Variants in EBF1 observed in about 807,000 individuals in gnomAD.
EBF1 encodes transcription factor COE1.
A neutral mutation model predicts 68.4 loss-of-function variants in EBF1; 10 were observed. That is an observed-to-expected ratio of 0.15 (90% CI 0.09 to 0.25). EBF1 has a LOEUF of 0.25. Ranked by LOEUF, EBF1 falls within the 10% of genes least tolerant of loss-of-function variation. The pLI is 1.00. For synonymous variants in EBF1, 298 were observed against 299.8 expected (o/e 0.99, Z 0.06); for missense variants, 509 against 794.4 (o/e 0.64, Z 4.32).
At chr5:159,078,212 C>T (rs941955435) in intron 5 of EBF1, among the ~76,000 whole-genome samples, 22 of 152,276 alleles carry the variant, frequency 1.4e-4, no homozygotes, top group African/African-American at 4.3e-4. Flanking sequence ...CTTTCCTGCC[C>T]ATGTGAGTTC....
intron 10 of EBF1, among the ~76,000 whole-genome samples, chr5:158,753,173 C>G (rs1388430196): frequency 6.6e-6 from 1 of 151,892 alleles, no homozygotes; most frequent in Non-Finnish European, 1.5e-5. Flanking sequence ...TATAATTGAG[C>G]TAGTCTTTCT....
chr5:158,829,256 A>G (rs2127904991), intron 7 of EBF1, among the ~76,000 whole-genome samples: 1 of 152,142 alleles, frequency 6.6e-6, no homozygotes. Flanking sequence ...AGCTTACTGC[A>G]ACCTCTGCGT....
intron 6 of EBF1, among the ~76,000 whole-genome samples, chr5:158,862,229 G>T (rs1395556098): frequency 2.0e-5 from 3 of 152,098 alleles, no homozygotes; most frequent in Non-Finnish European, 4.4e-5. Context: ...AAAAAAAAAT[G>T]TTGGCAAAGG....
chr5:159,040,205 T>C (rs563897362), intron 6 of EBF1, among the ~76,000 whole-genome samples: 1 of 152,242 alleles, frequency 6.6e-6, no homozygotes, highest in African/African-American at 2.4e-5. Context: ...AGCACCACAC[T>C]GGGCTTAGAA....
chr5:159,019,369 T>C (rs1251388745), intron 6 of EBF1, among the ~76,000 whole-genome samples: 1 of 152,234 alleles, frequency 6.6e-6, no homozygotes, highest in African/African-American at 2.4e-5. Flanking sequence ...TGTCACATTA[T>C]ATAACTAAAT....
At chr5:158,902,072 G>A (rs377058219) in intron 6 of EBF1, among the ~76,000 whole-genome samples, 19 of 152,254 alleles carry the variant, frequency 1.2e-4, no homozygotes, top group African/African-American at 4.3e-4. Context: ...GCCTGGGCAC[G>A]ACAGAGCAAG....
At chr5:159,092,648 T>G (rs1381349723) in intron 4 of EBF1, among the ~76,000 whole-genome samples, 3 of 152,236 alleles carry the variant, frequency 2.0e-5, no homozygotes, top group Non-Finnish European at 4.4e-5. Flanking sequence ...TAAATTTTGC[T>G]TGTCCAAAAT....
chr5:158,724,434 G>T (rs1385285935), intron 11 of EBF1, among the ~76,000 whole-genome samples: 1 of 152,164 alleles, frequency 6.6e-6, no homozygotes, highest in Non-Finnish European at 1.5e-5. Context: ...CTCCCTTTCT[G>T]CTAGGAGGCA....
chr5:159,083,952 G>A (rs193204592), intron 5 of EBF1, among the ~76,000 whole-genome samples: 1 of 152,334 alleles, frequency 6.6e-6, no homozygotes, highest in East Asian at 1.9e-4. Context: ...CCTGGCTGAG[G>A]CCATGGAAGT....
intron 4 of EBF1, among the ~76,000 whole-genome samples, chr5:159,089,808 G>A (rs1275366602): frequency 1.4e-5 from 2 of 143,976 alleles, no homozygotes; most frequent in African/African-American, 5.1e-5. Flanking sequence ...AAGAAAGAAA[G>A]AAAGAAGGAA....
chr5:159,096,523 C>A, intron 2 of EBF1, 117 bp from the exon 3 acceptor site: 2 of 1,125,324 alleles, frequency 1.8e-6, no homozygotes, highest in East Asian at 2.5e-5. Flanking sequence ...GCGAGCCAGG[C>A]AGCCACGGTA....
At chr5:158,994,604 G>A (rs1761045360) in intron 6 of EBF1, among the ~76,000 whole-genome samples, 1 of 152,138 alleles carries the variant, frequency 6.6e-6, no homozygotes, top group Admixed American at 6.5e-5. Context: ...GATTTTGCCT[G>A]GCTTTAACAC....
chr5:159,012,331 CAT>C (rs958211728), intron 6 of EBF1, among the ~76,000 whole-genome samples: 2 of 151,802 alleles, frequency 1.3e-5, no homozygotes, highest in Non-Finnish European at 2.9e-5. Context: ...AAAATGCTGA[CAT>C]GTGATTTGAA....
At chr5:159,018,685 A>G (rs1283935052) in intron 6 of EBF1, among the ~76,000 whole-genome samples, 2 of 152,232 alleles carry the variant, frequency 1.3e-5, no homozygotes, top group Non-Finnish European at 2.9e-5. Flanking sequence ...AATGCTTAAT[A>G]AATATTCTAT....
intron 5 of EBF1, among the ~76,000 whole-genome samples, chr5:159,075,761 A>T (rs1778664451): frequency 6.6e-6 from 1 of 152,164 alleles, no homozygotes; most frequent in Non-Finnish European, 1.5e-5. Flanking sequence ...AATCCATGAC[A>T]TGACATGATA....
intron 6 of EBF1, among the ~76,000 whole-genome samples, chr5:159,034,389 A>G (rs981312642): frequency 5.9e-5 from 9 of 152,192 alleles, no homozygotes; most frequent in African/African-American, 1.9e-4. Context: ...TGGCTAATCA[A>G]TACAATTCCA....
At chr5:158,816,739 TAC>T in intron 8 of EBF1, among the ~76,000 whole-genome samples, 1 of 151,946 alleles carries the variant, frequency 6.6e-6, no homozygotes, top group African/African-American at 2.4e-5. Context: ...TGCCAAAAGG[TAC>T]ACTCTTTCTA....
intron 14 of EBF1, among the ~76,000 whole-genome samples, chr5:158,711,895 C>T (rs1486743790): frequency 2.6e-5 from 4 of 152,134 alleles, no homozygotes; most frequent in East Asian, 1.9e-4. Context: ...GTTCCTGAAG[C>T]GACTTCATAC....
intron 11 of EBF1, 92 bp from the exon 12 acceptor site, chr5:158,714,274 T>C (rs1370806824): frequency 6.8e-7 from 1 of 1,468,120 alleles, no homozygotes; most frequent in Non-Finnish European, 9.5e-7. Context: ...CTGGCCATAC[T>C]TTGCCAAGGC....
Sources: allele counts gnomAD v4.1 joint callset (sites outside exome capture counted in the v4.1 genomes callset), GRCh38; gene constraint gnomAD v4.1.1; transcripts MANE v1.5; gene names NCBI Gene and HGNC (gene_info 2026-07-23, HGNC 2026-07-21).